Variants in COL25A1 observed in about 807,000 individuals in gnomAD.
The protein encoded by COL25A1 is collagen type XXV alpha 1 chain.
In COL25A1, 103 loss-of-function variants were observed where a neutral mutation model predicts 128.4. That is an observed-to-expected ratio of 0.80 (90% CI 0.68 to 0.94). COL25A1 has a LOEUF of 0.94. Ranked by LOEUF, COL25A1 falls within the 40% of genes least tolerant of loss-of-function variation. The pLI is 0.00. For synonymous variants in COL25A1, 279 were observed against 277.2 expected, an observed-to-expected ratio of 1.01 and a Z score of -0.06; for missense variants, 745 against 840.0, an observed-to-expected ratio of 0.89 and a Z score of 1.40.
At position 109,048,214 on chromosome 4, in the gene COL25A1, G is replaced by A. The variant is rs200879955; in HGVS notation, c.413-39C>T. On this transcript the variant is annotated intron_variant, in intron 4 of 37. Coordinates refer to ENST00000399132, the MANE Select transcript of COL25A1 (RefSeq NM_198721.4). ...AGGTGGAGAGAGAAGAGAGAGAGAGGAGTTAGTGAATATGCAAAATATTAA... is the reference window on the plus strand; with the variant it reads ...AGGTGGAGAGAGAAGAGAGAGAGAGAAGTTAGTGAATATGCAAAATATTAA... 7.3e-4 allele frequency: 1,156 copies of A among 1,584,038 alleles called. 9 individuals are homozygous for A. Among genetic ancestry groups the A allele is most frequent in the Middle Eastern group, 3.3e-4 (2 of 6,026 alleles).
At chr4:108,921,770 C>T (rs1440003368) in intron 11 of COL25A1, among the ~76,000 whole-genome samples, 2 of 152,156 alleles carry the variant, frequency 1.3e-5, no homozygotes, top group African/African-American at 4.8e-5. Flanking sequence ...ATTGAAAGTA[C>T]ACTGTGCAAT....
chr4:109,286,633 T>C (rs1460579650), intron 3 of COL25A1, among the ~76,000 whole-genome samples: 2 of 152,180 alleles, frequency 1.3e-5, no homozygotes, highest in Non-Finnish European at 1.5e-5. Context: ...GTCTTGGTTA[T>C]GGAAGCCAAG....
chr4:109,081,140 C>A (rs1016814984), intron 3 of COL25A1, among the ~76,000 whole-genome samples: 1 of 152,154 alleles, frequency 6.6e-6, no homozygotes, highest in Non-Finnish European at 1.5e-5. Flanking sequence ...CTGCCTCACA[C>A]GTATGAATTG....
chr4:108,986,444 T>A (rs1329653557), intron 6 of COL25A1, among the ~76,000 whole-genome samples: 1 of 152,156 alleles, frequency 6.6e-6, no homozygotes, highest in Non-Finnish European at 1.5e-5. Flanking sequence ...TTATTACAGG[T>A]TTTCCTAAAA....
intron 5 of COL25A1, among the ~76,000 whole-genome samples, chr4:109,046,897 A>G (rs1760478499): frequency 6.6e-6 from 1 of 152,236 alleles, no homozygotes; most frequent in Non-Finnish European, 1.5e-5. Flanking sequence ...GTAAATGCAC[A>G]CTGCACAGTA....
intron 3 of COL25A1, among the ~76,000 whole-genome samples, chr4:109,066,930 CA>C (rs1762502274): frequency 6.6e-6 from 1 of 152,172 alleles, no homozygotes; most frequent in Admixed American, 6.5e-5. Flanking sequence ...CTCAGCCTCC[CA>C]AAATGCTGAG....
intron 3 of COL25A1, among the ~76,000 whole-genome samples, chr4:109,185,666 T>C (rs1262892598): frequency 6.6e-6 from 1 of 152,212 alleles, no homozygotes; most frequent in Non-Finnish European, 1.5e-5. Flanking sequence ...ATAGGGCTTC[T>C]AAGGCAATAA....
intron 3 of COL25A1, among the ~76,000 whole-genome samples, chr4:109,220,765 A>G (rs1778353160): frequency 1.3e-5 from 2 of 152,078 alleles, no homozygotes; most frequent in South Asian, 4.1e-4. Context: ...CATGGAAACA[A>G]TTTTCTTTCT....
intron 5 of COL25A1, among the ~76,000 whole-genome samples, chr4:109,045,091 G>A (rs1194246164): frequency 6.6e-6 from 1 of 152,114 alleles, no homozygotes; most frequent in Admixed American, 6.6e-5. Context: ...TCTACTTAAT[G>A]AATAGTAAAT....
At chr4:109,022,658 C>T (rs1251437473) in intron 5 of COL25A1, among the ~76,000 whole-genome samples, 1 of 152,042 alleles carries the variant, frequency 6.6e-6, no homozygotes, top group Non-Finnish European at 1.5e-5. Context: ...GGCAGCAAGT[C>T]CTGATATTGA....
intron 16 of COL25A1, among the ~76,000 whole-genome samples, chr4:108,891,979 A>C (rs1560815525): frequency 6.7e-6 from 1 of 149,502 alleles, no homozygotes; most frequent in Non-Finnish European, 1.5e-5. Flanking sequence ...TGGACAACTA[A>C]GGGTGATTTT....
intron 3 of COL25A1, among the ~76,000 whole-genome samples, chr4:109,111,285 C>A (rs917937147): frequency 2.6e-5 from 4 of 152,184 alleles, no homozygotes; most frequent in African/African-American, 9.7e-5. Flanking sequence ...GGAAAATGTG[C>A]CCTGGCCTGA....
At chr4:109,098,583 T>C (rs934313571) in intron 3 of COL25A1, among the ~76,000 whole-genome samples, 1 of 152,234 alleles carries the variant, frequency 6.6e-6, no homozygotes, top group Non-Finnish European at 1.5e-5. Flanking sequence ...AATTAAATCT[T>C]CTTATGCTCA....
In COL25A1 at chr4:108,974,980, A is replaced by G. The variant is rs559682189; in HGVS notation, c.439-421T>C. ...TGTTTTTGTACTTCATGTACATAAA[A>G]TCATAGAGTCCGGCCTCTTTTGCTT... On this transcript the variant is annotated intron_variant, in intron 6 of 37. Transcript: ENST00000399132. Among the ~76,000 whole-genome samples, 373 of 152,334 alleles carry G rather than the reference A, an allele frequency of 2.4e-3. 3 individuals carry two copies. The highest frequency in any genetic ancestry group is 8.8e-3 in the African/African-American group (366 of 41,580).
intron 3 of COL25A1, among the ~76,000 whole-genome samples, chr4:109,224,396 T>C (rs1778636983): frequency 6.6e-6 from 1 of 152,206 alleles, no homozygotes; most frequent in African/African-American, 2.4e-5. Context: ...AACAAGATTA[T>C]TTATCCTTCT....
chr4:108,967,822 C>T (rs565957748), intron 8 of COL25A1, among the ~76,000 whole-genome samples: 34 of 152,240 alleles, frequency 2.2e-4, no homozygotes, highest in African/African-American at 7.7e-4. Context: ...TAGGAATCCC[C>T]GACAACTTCC....
At chr4:108,878,907 T>C (rs1435602656) in intron 19 of COL25A1, among the ~76,000 whole-genome samples, 4 of 152,238 alleles carry the variant, frequency 2.6e-5, no homozygotes, top group African/African-American at 9.6e-5. Context: ...TAATTATAAG[T>C]AACGATAACA....
At chr4:108,852,426 T>C in intron 25 of COL25A1, 146 bp from the exon 26 acceptor site, 1 of 630,436 alleles carries the variant, frequency 1.6e-6, no homozygotes, top group Non-Finnish European at 2.7e-6. Context: ...AAAATTTTAC[T>C]AGTTACATAA....
At chr4:109,186,945 T>C (rs1560832663) in intron 3 of COL25A1, among the ~76,000 whole-genome samples, 3 of 152,182 alleles carry the variant, frequency 2.0e-5, no homozygotes, top group Non-Finnish European at 4.4e-5. Context: ...TGATGGTCTA[T>C]AGCAAGTGGT....
Sources: gnomAD v4.1 joint callset for allele counts (sites outside exome capture counted in the v4.1 genomes callset) on GRCh38, gnomAD v4.1.1 for gene constraint, MANE v1.5 for transcripts, NCBI Gene and HGNC (gene_info 2026-07-23, HGNC 2026-07-21) for gene names.